Variants in ADAMTSL1 observed in about 807,000 individuals in gnomAD.
ADAMTSL1 encodes the protein ADAMTS like 1.
A neutral mutation model predicts 201.8 loss-of-function variants in ADAMTSL1; 126 were observed. The ratio of observed to expected loss-of-function variants is 0.62; its 90% confidence interval spans 0.54 to 0.72. The LOEUF (loss-of-function observed/expected upper bound fraction) is 0.72. Ranked by LOEUF, ADAMTSL1 falls within the 30% of genes least tolerant of loss-of-function variation. ADAMTSL1 has a pLI of 0.00. For synonymous variants in ADAMTSL1, 1,121 were observed against 903.4 expected (o/e 1.24, Z -4.32); for missense variants, 2,679 against 2,277.8 (o/e 1.18, Z -3.59).
chr9:18,683,520 G>A (rs943649469), intron 12 of ADAMTSL1, among the ~76,000 whole-genome samples: 12 of 152,188 alleles, frequency 7.9e-5, no homozygotes, highest in South Asian at 2.1e-4. Context: ...GAGCCTCCAC[G>A]CCCAGCCGAC....
chr9:18,518,342 A>C (rs1234962031), intron 2 of ADAMTSL1, among the ~76,000 whole-genome samples: 1 of 150,282 alleles, frequency 6.7e-6, no homozygotes, highest in East Asian at 2.0e-4. Flanking sequence ...AAATATTTCC[A>C]TCTTTATGTC....
rs373060368 is a variant in ADAMTSL1, at chr9:18,002,300, A to G, written c.87+95378A>G. Among the ~76,000 whole-genome samples the G allele has an allele frequency of 1.2e-3, 179 of 152,120 alleles. 1 individual carries two copies. Among genetic ancestry groups the G allele is most frequent in the African/African-American group, 4.1e-3 (170 of 41,540 alleles). ...AATAGAAGACTAAAAATACCTTGGA[A>G]TTAAATAAAAACCAAACACCTGAGT... On this transcript the variant is annotated intron_variant, in intron 1 of 29. Coordinates refer to the ADAMTSL1 transcript ENST00000680146.
At chr9:18,500,162 T>G (rs571234786) in intron 1 of ADAMTSL1, among the ~76,000 whole-genome samples, 2 of 152,362 alleles carry the variant, frequency 1.3e-5, no homozygotes, top group African/African-American at 4.8e-5. Context: ...ATTACTCAAA[T>G]TGTTTAACTA....
chr9:18,203,733 G>T (rs892648544), intron 2 of ADAMTSL1, among the ~76,000 whole-genome samples: 3 of 152,156 alleles, frequency 2.0e-5, no homozygotes, highest in Admixed American at 6.5e-5. Context: ...GGAAAGGTAA[G>T]ACTGGAGGGA....
intron 13 of ADAMTSL1, among the ~76,000 whole-genome samples, chr9:18,697,886 C>G (rs1831653718): frequency 6.6e-6 from 1 of 152,058 alleles, no homozygotes; most frequent in Admixed American, 6.6e-5. Flanking sequence ...TTGAAGCTGC[C>G]TTTGAAACTT....
chr9:18,263,458 T>C (rs935416616), intron 2 of ADAMTSL1, among the ~76,000 whole-genome samples: 5 of 152,214 alleles, frequency 3.3e-5, no homozygotes, highest in African/African-American at 1.2e-4. Flanking sequence ...CCTGGTGTTG[T>C]AGAACTCTCA....
At chr9:18,618,110 C>T (rs1044372759) in intron 4 of ADAMTSL1, among the ~76,000 whole-genome samples, 2 of 152,166 alleles carry the variant, frequency 1.3e-5, no homozygotes, top group Admixed American at 1.3e-4. Context: ...GGGAAATAGT[C>T]TCTAAAAAAT....
At chr9:17,955,656 C>G (rs930710618) in intron 1 of ADAMTSL1, among the ~76,000 whole-genome samples, 2 of 152,186 alleles carry the variant, frequency 1.3e-5, no homozygotes, top group African/African-American at 2.4e-5. Flanking sequence ...TCCTGCATAT[C>G]CACACTGTAG....
At chr9:17,943,067 G>C (rs547414754) in intron 1 of ADAMTSL1, among the ~76,000 whole-genome samples, 37 of 152,022 alleles carry the variant, frequency 2.4e-4, no homozygotes, top group Non-Finnish European at 4.9e-4. Context: ...GATTAGAGGT[G>C]TGCACTACTA....
rs144196646 is a variant in ADAMTSL1, at chr9:18,482,563, C to A, written c.63+8268C>A. 4.1e-3 allele frequency among the ~76,000 whole-genome samples: 630 copies of A among 152,268 alleles called. 5 individuals carry two copies. The highest frequency in any genetic ancestry group is 0.023 in the South Asian group (109 of 4,824). On this transcript the variant is annotated intron_variant, in intron 1 of 28. Coordinates refer to ENST00000380548, the MANE Select transcript of ADAMTSL1 (RefSeq NM_001040272.6). ...AACCTAAGACATCCTGACATAAATT[C>A]CAAGAGCACTACAGAAATGAGACAG...
intron 2 of ADAMTSL1, among the ~76,000 whole-genome samples, chr9:18,408,262 A>C (rs2133298608): frequency 6.6e-6 from 1 of 152,310 alleles, no homozygotes; most frequent in African/African-American, 2.4e-5. Context: ...TGAGGTCAGA[A>C]GTTTGAGACC....
At chr9:18,279,351 A>G (rs763105550) in intron 2 of ADAMTSL1, among the ~76,000 whole-genome samples, 2 of 152,178 alleles carry the variant, frequency 1.3e-5, no homozygotes, top group South Asian at 4.2e-4. Flanking sequence ...CACAGAGTTA[A>G]AATGTGTTGT....
At chr9:17,943,217 C>T (rs960718115) in intron 1 of ADAMTSL1, among the ~76,000 whole-genome samples, 9 of 152,244 alleles carry the variant, frequency 5.9e-5, no homozygotes, top group Middle Eastern at 3.4e-3. Flanking sequence ...GCTGGGATTA[C>T]AGGTGTGAGC....
intron 2 of ADAMTSL1, among the ~76,000 whole-genome samples, chr9:18,417,382 G>GAAAAAAAAAAAAAAAAAAAAAAAA (rs750731863): frequency 1.8e-5 from 2 of 108,852 alleles, no homozygotes; most frequent in Non-Finnish European, 3.9e-5. Context: ...AAAAAAAAAA[G>GAAAAAAAAAAAAAAAAAAAAAAAA]AAAAAAAAAA....
intron 1 of ADAMTSL1, among the ~76,000 whole-genome samples, chr9:18,018,315 G>T (rs1449018063): frequency 6.6e-6 from 1 of 152,072 alleles, no homozygotes; most frequent in African/African-American, 2.4e-5. Flanking sequence ...TACAGACTCT[G>T]AGACAGTGTA....
rs1392964750 is a variant in ADAMTSL1 at position 18,527,664 on chromosome 9, G to A, written c.192-5583G>A. On this transcript the variant is annotated intron_variant, in intron 2 of 28. Coordinates refer to ENST00000380548, the MANE Select transcript of ADAMTSL1 (RefSeq NM_001040272.6). ...TGGAAGTTTAGATGGTGTATTATGC[G>A]TTAATGAGAGACAAATAAAGTATGT... is the stretch of plus-strand genomic sequence containing the variant. Among the ~76,000 whole-genome samples, 10 of 152,058 alleles carry A rather than the reference G, an allele frequency of 6.6e-5. No individual in the cohort carries two copies. In the East Asian group the frequency reaches 7.7e-4, roughly 12 times the overall value.
intron 1 of ADAMTSL1, among the ~76,000 whole-genome samples, chr9:18,147,016 A>G (rs1402605707): frequency 6.6e-6 from 1 of 152,136 alleles, no homozygotes; most frequent in Non-Finnish European, 1.5e-5. Flanking sequence ...TGAATTACTT[A>G]CAGGTTTTAG....
At chr9:18,026,349 T>C (rs1820695285) in intron 1 of ADAMTSL1, among the ~76,000 whole-genome samples, 1 of 152,104 alleles carries the variant, frequency 6.6e-6, no homozygotes, top group African/African-American at 2.4e-5. Context: ...GGGTTTGTCA[T>C]AGACGGCTCA....
intron 26 of ADAMTSL1, among the ~76,000 whole-genome samples, chr9:18,900,911 A>C (rs918779474): frequency 6.6e-6 from 1 of 152,124 alleles, no homozygotes; most frequent in African/African-American, 2.4e-5. Flanking sequence ...CCAGAACTTA[A>C]AGGTTGAAGG....
Sources: gnomAD v4.1 joint callset for allele counts (sites outside exome capture counted in the v4.1 genomes callset) on GRCh38, gnomAD v4.1.1 for gene constraint, MANE v1.5 for transcripts, NCBI Gene and HGNC (gene_info 2026-07-23, HGNC 2026-07-21) for gene names.